EEIG2: variants seen among roughly 807,000 people sequenced by gnomAD.
EEIG2 encodes the protein family with sequence similarity 102 member B.
At chr1:108,600,499 A>G in the EEIG2 span, 5 of 1,551,802 alleles carry the variant, frequency 3.2e-6, no homozygotes, top group African/African-American at 4.1e-5. Context: ...GAGTGAAAGT[A>G]TGGGTGTGCT....
chr1:108,605,827 G>T, the EEIG2 span, among the ~76,000 whole-genome samples: 2 of 152,136 alleles, frequency 1.3e-5, no homozygotes, highest in African/African-American at 4.8e-5. Flanking sequence ...CATAAAAACT[G>T]GTTGTCCCTG....
At chr1:108,603,585 T>A in the EEIG2 span, among the ~76,000 whole-genome samples, 4 of 152,208 alleles carry the variant, frequency 2.6e-5, no homozygotes, top group African/African-American at 7.2e-5. Flanking sequence ...AAATTATTTC[T>A]TCAAGTTTTC....
chr1:108,600,063 T>C, the EEIG2 span, among the ~76,000 whole-genome samples: 2 of 152,326 alleles, frequency 1.3e-5, no homozygotes, highest in African/African-American at 4.8e-5. Context: ...TAGCATATGG[T>C]AAGCTCTCAA....
the EEIG2 span, among the ~76,000 whole-genome samples, chr1:108,605,315 A>G: frequency 4.6e-5 from 7 of 152,302 alleles, no homozygotes; most frequent in South Asian, 1.4e-3. Context: ...GGGTAGATGT[A>G]GTGGGATGGC....
At chr1:108,592,812 C>G in the EEIG2 span, among the ~76,000 whole-genome samples, 1 of 152,142 alleles carries the variant, frequency 6.6e-6, no homozygotes, top group East Asian at 1.9e-4. Flanking sequence ...CTGCATATAA[C>G]AAAATCCAAA....
chr1:108,614,709 AT>A, the EEIG2 span, among the ~76,000 whole-genome samples: 2 of 152,082 alleles, frequency 1.3e-5, no homozygotes, highest in Non-Finnish European at 2.9e-5. Context: ...CCCTTAGACT[AT>A]CCCCTCTTCT....
chr1:108,560,509 C>A, the EEIG2 span: 4 of 1,612,966 alleles, frequency 2.5e-6, no homozygotes, highest in Non-Finnish European at 3.4e-6. Flanking sequence ...TCAATGGGGT[C>A]CTCTTCTGCA....
the EEIG2 span, among the ~76,000 whole-genome samples, chr1:108,621,693 C>T: frequency 1.3e-5 from 2 of 152,148 alleles, no homozygotes; most frequent in South Asian, 4.1e-4. Flanking sequence ...GTGAAAGAAA[C>T]TGGCATTAAA....
the EEIG2 span, among the ~76,000 whole-genome samples, chr1:108,579,770 T>TGAGAGAGAGAGA: frequency 0.018 from 413 of 23,136 alleles, 1 homozygote; most frequent in Middle Eastern, 0.08. Context: ...TGTGTGTGTG[T>TGAGAGAGAGAGA]GTGAGAGAGA....
chr1:108,621,262 G>A, the EEIG2 span, among the ~76,000 whole-genome samples: 1 of 152,068 alleles, frequency 6.6e-6, no homozygotes, highest in Non-Finnish European at 1.5e-5. Context: ...AGGGGTAATG[G>A]AACAAAAACT....
chr1:108,580,308 C>T, the EEIG2 span, among the ~76,000 whole-genome samples: 4 of 152,220 alleles, frequency 2.6e-5, no homozygotes, highest in East Asian at 3.9e-4. Context: ...CCTTCATCTC[C>T]CTTCCCCTTC....
At chr1:108,628,146 T>C in the EEIG2 span, 2 of 1,608,982 alleles carry the variant, frequency 1.2e-6, no homozygotes, top group Non-Finnish European at 1.7e-6. Flanking sequence ...AAGAATGACA[T>C]CATGTTATGA....
the EEIG2 span, among the ~76,000 whole-genome samples, chr1:108,576,945 C>T: frequency 1.3e-5 from 2 of 151,648 alleles, no homozygotes; most frequent in South Asian, 4.2e-4. Context: ...TCTCCACATC[C>T]TCTCCAGCAC....
the EEIG2 span, among the ~76,000 whole-genome samples, chr1:108,568,402 G>A: frequency 1.3e-5 from 2 of 152,096 alleles, no homozygotes; most frequent in African/African-American, 4.8e-5. Flanking sequence ...GAAGATATTC[G>A]GATTCTTAAG....
chr1:108,568,048 C>CT, the EEIG2 span, among the ~76,000 whole-genome samples: 80 of 150,898 alleles, frequency 5.3e-4, no homozygotes, highest in African/African-American at 1.8e-3. Flanking sequence ...ACTCATGCCA[C>CT]TTTTTTTTTC....
the EEIG2 span, among the ~76,000 whole-genome samples, chr1:108,622,420 G>A: frequency 1.3e-5 from 2 of 152,326 alleles, no homozygotes; most frequent in African/African-American, 4.8e-5. Flanking sequence ...AGTAATTAGT[G>A]GAGATGGAGA....
At chr1:108,635,017 A>C in the EEIG2 span, 3 of 1,187,648 alleles carry the variant, frequency 2.5e-6, no homozygotes, top group Non-Finnish European at 2.5e-6. Context: ...AAAAATACCC[A>C]GTGCCCCATC....
the EEIG2 span, among the ~76,000 whole-genome samples, chr1:108,581,128 A>G: frequency 8.5e-5 from 13 of 152,266 alleles, no homozygotes; most frequent in East Asian, 3.9e-4. Context: ...TGCTCTATAA[A>G]TAGAAGAACA....
chr1:108,625,809 TGTGTGTGTGTGTGTGTGTGG>T, the EEIG2 span: 30 of 142,606 alleles, frequency 2.1e-4, no homozygotes, highest in African/African-American at 7.9e-4. Flanking sequence ...TGTGTGTGTG[TGTGTGTGTGTGTGTGTGTGG>T]AGAGAGAGAG....
Sources: gnomAD v4.1 joint callset for allele counts (sites outside exome capture counted in the v4.1 genomes callset) on GRCh38, gnomAD v4.1.1 for gene constraint, MANE v1.5 for transcripts, NCBI Gene and HGNC (gene_info 2026-07-23, HGNC 2026-07-21) for gene names.